NXPH1: variants seen among roughly 807,000 people sequenced by gnomAD.
The protein encoded by NXPH1 is neurexophilin-1.
Under a neutral mutation model 23.7 loss-of-function variants are expected in NXPH1, and 5 were observed. That is an observed-to-expected ratio of 0.21 (90% CI 0.11 to 0.44). The LOEUF is 0.44. Among genes scored for constraint, NXPH1 ranks in the 20% least tolerant of loss-of-function variants. The probability of loss-of-function intolerance (pLI) is 0.99; values close to 1 mark genes in which losing one functional copy is unlikely to be tolerated. For missense variants in NXPH1, 324 were observed against 321.6 expected (o/e 1.01, Z -0.06); for synonymous variants, 144 against 122.2 (o/e 1.18, Z -1.18).
intron 2 of NXPH1, among the ~76,000 whole-genome samples, chr7:8,733,708 G>T (rs768689994): frequency 6.6e-6 from 1 of 151,888 alleles, no homozygotes; most frequent in South Asian, 2.1e-4. Context: ...CATATCCTTT[G>T]CCCACTTTTT....
At chr7:8,617,792 A>T (rs1819777797) in intron 2 of NXPH1, among the ~76,000 whole-genome samples, 1 of 152,114 alleles carries the variant, frequency 6.6e-6, no homozygotes, top group East Asian at 1.9e-4. Flanking sequence ...CAACTTAAAG[A>T]GTATAATGGG....
At chr7:8,612,202 A>C (rs1819636534) in intron 2 of NXPH1, among the ~76,000 whole-genome samples, 2 of 135,496 alleles carry the variant, frequency 1.5e-5, no homozygotes, top group Non-Finnish European at 1.6e-5. Flanking sequence ...ACCTCTCTCC[A>C]TCCCTCTTTC....
At chr7:8,504,486 A>G (rs1184101957) in intron 2 of NXPH1, among the ~76,000 whole-genome samples, 1 of 152,060 alleles carries the variant, frequency 6.6e-6, no homozygotes, top group Admixed American at 6.6e-5. Context: ...CAGGGAACTC[A>G]CCTATGTAAA....
At chr7:8,655,445 T>TA in intron 2 of NXPH1, among the ~76,000 whole-genome samples, 1 of 68,614 alleles carries the variant, frequency 1.5e-5, no homozygotes, top group African/African-American at 4.8e-5. Context: ...TCTCTCTCTC[T>TA]CTCTATACAC....
At position 8,499,697 on chromosome 7, in the gene NXPH1, T is replaced by C. The variant is rs936452467; in HGVS notation, c.54+63930T>C. 1.2e-4 allele frequency among the ~76,000 whole-genome samples: 19 copies of C among 152,044 alleles called. 1 individual carries two copies. Among genetic ancestry groups the C allele is most frequent in the Admixed American group, 1.2e-3 (19 of 15,256 alleles). ...CTCACCAAGTCAGAACAACAAAAGC[T>C]AGACTCCCAGTGGTGAGGCCTAAGG... On this transcript the variant is annotated intron_variant, in intron 2 of 2. Coordinates refer to ENST00000405863, the MANE Select transcript of NXPH1 (RefSeq NM_152745.3).
In NXPH1 at chr7:8,546,501, A is replaced by G. The variant is rs976411345; in HGVS notation, c.54+110734A>G. ...TGTCTTAGAGTCACTGAGTGTTCTT[A>G]TTAAAATGCATATTCCCTGGCCTCA... On this transcript the variant is annotated intron_variant, in intron 2 of 2. Coordinates refer to ENST00000405863, the MANE Select transcript of NXPH1 (RefSeq NM_152745.3). Among the ~76,000 whole-genome samples, 6 of 150,174 alleles carry G rather than the reference A, an allele frequency of 4.0e-5. No homozygotes were observed. The East Asian group carries it at 7.8e-4, about 20-fold the overall frequency.
At chr7:8,703,798 T>C (rs1779664033) in intron 2 of NXPH1, among the ~76,000 whole-genome samples, 1 of 152,102 alleles carries the variant, frequency 6.6e-6, no homozygotes, top group South Asian at 2.1e-4. Context: ...TCCTTATTAT[T>C]GCGGGCCAAC....
At chr7:8,493,153 A>G (rs948896331) in intron 2 of NXPH1, among the ~76,000 whole-genome samples, 5 of 151,856 alleles carry the variant, frequency 3.3e-5, no homozygotes, top group Non-Finnish European at 7.4e-5. Context: ...TTGACCTAGA[A>G]TATATTTGCC....
At chr7:8,629,638 T>C (rs999518126) in intron 2 of NXPH1, among the ~76,000 whole-genome samples, 2 of 152,144 alleles carry the variant, frequency 1.3e-5, no homozygotes, top group Non-Finnish European at 2.9e-5. Context: ...AACTCCATAG[T>C]ATTGTCTGTA....
rs954002200 is a variant in NXPH1, at chr7:8,752,563, A to C, written c.*794A>C. The C allele has an allele frequency of 1.3e-5, 2 of 152,680 alleles. No individual in the cohort carries two copies. Among genetic ancestry groups the C allele is most frequent in the Admixed American group, 1.3e-4 (2 of 15,280 alleles). The allele number at this position is 152,680 out of a possible 1,614,324, so 9.5% of individuals were successfully genotyped here. ...TAAAATAAGTTCTGATCATTATATA[A>C]GAAGGGAAATGCCTGGCAGACACCA... On this transcript the variant is annotated 3_prime_UTR_variant, in exon 3 of 3. Transcript: ENST00000405863.
intron 2 of NXPH1, among the ~76,000 whole-genome samples, chr7:8,538,346 T>G (rs1441335654): frequency 6.6e-6 from 1 of 151,892 alleles, no homozygotes; most frequent in Non-Finnish European, 1.5e-5. Flanking sequence ...AAACCATCCT[T>G]CTTCATACAA....
At chr7:8,516,921 C>G (rs1182681385) in intron 2 of NXPH1, among the ~76,000 whole-genome samples, 2 of 152,086 alleles carry the variant, frequency 1.3e-5, no homozygotes, top group Non-Finnish European at 2.9e-5. Flanking sequence ...GTCTGGCCAT[C>G]TTAGGGGCTT....
chr7:8,448,960 T>C (rs1816456443), intron 2 of NXPH1, among the ~76,000 whole-genome samples: 1 of 152,234 alleles, frequency 6.6e-6, no homozygotes, highest in Admixed American at 6.5e-5. Flanking sequence ...TAATTCCATG[T>C]GGCAAACACT....
intron 2 of NXPH1, among the ~76,000 whole-genome samples, chr7:8,467,336 T>C (rs1213040302): frequency 1.3e-5 from 2 of 152,176 alleles, no homozygotes; most frequent in Non-Finnish European, 2.9e-5. Context: ...TGATGAAGCC[T>C]CTTCTGGAAT....
chr7:8,548,415 A>ACAG (rs1327582294), intron 2 of NXPH1, among the ~76,000 whole-genome samples: 1 of 151,576 alleles, frequency 6.6e-6, no homozygotes, highest in East Asian at 2.0e-4. Flanking sequence ...GAAGAATGTG[A>ACAG]CAGCCACTAT....
Position 8,500,975 on chromosome 7 carries a change from G to A in NXPH1, c.54+65208G>A, listed in dbSNP as rs77360047. On this transcript the variant is annotated intron_variant, in intron 2 of 2. Coordinates refer to ENST00000405863, the MANE Select transcript of NXPH1 (RefSeq NM_152745.3). ...AGTGTCCAGTAAAACATAATGTTCAGAAGTAAATAGCATGGAAGAGGTCTC... is the reference window on the plus strand; with the variant it reads ...AGTGTCCAGTAAAACATAATGTTCAAAAGTAAATAGCATGGAAGAGGTCTC... 2.5e-3 allele frequency among the ~76,000 whole-genome samples: 379 copies of A among 152,164 alleles called. 2 individuals are homozygous for A. Among genetic ancestry groups the A allele is most frequent in the East Asian group, 0.018 (93 of 5,142 alleles).
chr7:8,677,649 A>G (rs9986942), intron 2 of NXPH1, among the ~76,000 whole-genome samples: 9,936 of 152,210 alleles, frequency 0.065, 1,099 homozygotes, highest in African/African-American at 0.23. Context: ...GAAAAAAGAA[A>G]GAAAGAAACC....
chr7:8,521,712 T>C (rs1486890603), intron 2 of NXPH1, among the ~76,000 whole-genome samples: 1 of 152,334 alleles, frequency 6.6e-6, no homozygotes, highest in Middle Eastern at 3.4e-3. Flanking sequence ...CTATTTTGAC[T>C]GATTGAATGT....
chr7:8,721,502 C>T (rs1316088582), intron 2 of NXPH1, among the ~76,000 whole-genome samples: 1 of 152,174 alleles, frequency 6.6e-6, no homozygotes, highest in African/African-American at 2.4e-5. Flanking sequence ...AAATGCATTT[C>T]TTGTGGCTCA....
Sources: gnomAD v4.1 joint callset for allele counts (sites outside exome capture counted in the v4.1 genomes callset) on GRCh38, gnomAD v4.1.1 for gene constraint, MANE v1.5 for transcripts, NCBI Gene and HGNC (gene_info 2026-07-23, HGNC 2026-07-21) for gene names.